Variants in ZSWIM5 observed in about 807,000 individuals in gnomAD.
ZSWIM5 encodes zinc finger SWIM-type containing 5, also known as zinc finger SWIM domain-containing protein 5.
A neutral mutation model predicts 119.6 loss-of-function variants in ZSWIM5; 55 were observed. The observed-to-expected ratio is 0.46, with a 90% CI of 0.37 to 0.58. ZSWIM5 has a LOEUF of 0.58. Among genes scored for constraint, ZSWIM5 ranks in the 20% least tolerant of loss-of-function variants. The pLI, the probability that ZSWIM5 is intolerant of heterozygous loss-of-function variation, is 0.00. For synonymous variants in ZSWIM5, 537 were observed against 606.9 expected, an observed-to-expected ratio of 0.88 and a Z score of 1.69; for missense variants, 1,193 against 1,512.8, an observed-to-expected ratio of 0.79 and a Z score of 3.51.
intron 11 of ZSWIM5, among the ~76,000 whole-genome samples, chr1:45,033,018 T>C (rs578019596): frequency 6.6e-6 from 1 of 152,304 alleles, no homozygotes; most frequent in East Asian, 1.9e-4. Context: ...TGTGGTTCAT[T>C]GATTTCCTTA....
Position 45,170,102 on chromosome 1 carries a change from T to C in ZSWIM5, c.595+35654A>G, listed in dbSNP as rs140782145. Among the ~76,000 whole-genome samples the C allele has an allele frequency of 2.1e-3, 323 of 152,268 alleles. 3 individuals are homozygous for C. Among genetic ancestry groups the C allele is most frequent in the African/African-American group, 7.1e-3 (294 of 41,566 alleles). ...GCCTATTTATATAACATTGTATGGA[T>C]ACACTGCTGTACCTACATTCCGAAA... is the stretch of plus-strand genomic sequence containing the variant. On this transcript the variant is annotated intron_variant, in intron 1 of 13. Transcript: ENST00000359600.
Position 45,018,293 on chromosome 1 carries a change from C to T in ZSWIM5, c.*161G>A, listed in dbSNP as rs954086291. The T allele has an allele frequency of 5.8e-6, 5 of 868,830 alleles. No individual in the cohort carries two copies. The highest frequency in any genetic ancestry group is 2.7e-5 in the East Asian group (1 of 37,544). 53.8% of individuals were successfully genotyped at this position (868,830 alleles called of 1,614,324 possible). A position where few individuals can be genotyped will look rare whatever the true frequency, so the allele number is the denominator to read the frequency against. On this transcript the variant is annotated 3_prime_UTR_variant, in exon 14 of 14. Transcript: ENST00000359600. The surrounding 1 kb of genome is among the most constrained non-coding windows in gnomAD (Gnocchi z 6.7). The stretch of plus-strand genomic sequence containing the variant: ...AGAAGCTTGCCAAGGTAGGCATTAT[C>T]GACTAGAGCTGGACTTTCCCCATCC...
intron 1 of ZSWIM5, among the ~76,000 whole-genome samples, chr1:45,152,129 G>A (rs1240240350): frequency 6.6e-6 from 1 of 152,146 alleles, no homozygotes; most frequent in African/African-American, 2.4e-5. Context: ...TTTATACAAA[G>A]ACCAGTGAGA....
chr1:45,045,318 A>C (rs1645047659), intron 5 of ZSWIM5, among the ~76,000 whole-genome samples: 1 of 152,214 alleles, frequency 6.6e-6, no homozygotes, highest in African/African-American at 2.4e-5. Flanking sequence ...CTGAAGTATT[A>C]TACTGTACGG....
intron 1 of ZSWIM5, among the ~76,000 whole-genome samples, chr1:45,139,474 CTT>C (rs551063549): frequency 1.7e-5 from 2 of 116,526 alleles, no homozygotes; most frequent in Admixed American, 9.5e-5. Flanking sequence ...CTCTCTCTCT[CTT>C]TTTTTTTTTT....
chr1:45,050,162 C>A (rs990098507), intron 5 of ZSWIM5, among the ~76,000 whole-genome samples: 2 of 152,084 alleles, frequency 1.3e-5, no homozygotes, highest in African/African-American at 4.8e-5. Flanking sequence ...CAAGACCAGG[C>A]TGGCCAACAT....
At chr1:45,121,593 T>C (rs1390430279) in intron 1 of ZSWIM5, among the ~76,000 whole-genome samples, 6 of 150,284 alleles carry the variant, frequency 4.0e-5, no homozygotes, top group South Asian at 2.1e-4. Context: ...AATCTTTTTT[T>C]TTCTTCTTCT....
Position 45,129,153 on chromosome 1 carries a change from G to GTTTTT in ZSWIM5, c.596-40921_596-40917dup, listed in dbSNP as rs869042927. Among the ~76,000 whole-genome samples, 98 of 70,162 alleles carry GTTTTT rather than the reference G, an allele frequency of 1.4e-3. 5 individuals carry two copies. Among genetic ancestry groups the GTTTTT allele is most frequent in the Non-Finnish European group, 2.0e-3 (75 of 37,976 alleles). The allele number at this position is 70,162 out of a possible 152,430, so 46.0% of individuals were successfully genotyped here. A position where few individuals can be genotyped will look rare whatever the true frequency, so the allele number is the denominator to read the frequency against. ...TTATACTTTTCCTCACATACATCTT[G>GTTTTT]TTTTTTTTTTTTTTTTTTTTTTTTT... On this transcript the variant is annotated intron_variant, in intron 1 of 13. Transcript: ENST00000359600.
At chr1:45,040,041 T>C (rs1444611323) in intron 7 of ZSWIM5, among the ~76,000 whole-genome samples, 1 of 152,112 alleles carries the variant, frequency 6.6e-6, no homozygotes, top group Non-Finnish European at 1.5e-5. Context: ...TCTCACCATG[T>C]TGCCCAGGCT....
intron 1 of ZSWIM5, among the ~76,000 whole-genome samples, chr1:45,195,729 A>G (rs959282904): frequency 6.6e-6 from 1 of 152,188 alleles, no homozygotes; most frequent in Non-Finnish European, 1.5e-5. Context: ...ACATCCATTA[A>G]TAAAGATAGG....
At chr1:45,140,670 G>A (rs917841137) in intron 1 of ZSWIM5, among the ~76,000 whole-genome samples, 4 of 152,150 alleles carry the variant, frequency 2.6e-5, no homozygotes, top group African/African-American at 9.7e-5. Flanking sequence ...ATCATACACT[G>A]CCTACAACAA....
chr1:45,189,589 T>G (rs983273423), intron 1 of ZSWIM5, among the ~76,000 whole-genome samples: 2 of 151,354 alleles, frequency 1.3e-5, no homozygotes, highest in Non-Finnish European at 3.0e-5. Flanking sequence ...ACCTTATCTC[T>G]ACAAAAAACA....
intron 3 of ZSWIM5, 68 bp from the exon 4 acceptor site, chr1:45,058,827 G>C (rs1645137687): frequency 6.4e-7 from 1 of 1,571,204 alleles, no homozygotes; most frequent in Non-Finnish European, 8.7e-7. Context: ...AGAAGGAAGT[G>C]GGGGAGGGGG....
intron 1 of ZSWIM5, among the ~76,000 whole-genome samples, chr1:45,148,524 G>T (rs1645776953): frequency 6.6e-6 from 1 of 151,744 alleles, no homozygotes. Context: ...ACCAATTTAG[G>T]CTGAAATAAT....
rs573161831 is a variant in ZSWIM5 at position 45,038,881 on chromosome 1, C to G, written c.1894+55G>C. On this transcript the variant is annotated intron_variant, in intron 8 of 13. Coordinates refer to ENST00000359600, the MANE Select transcript of ZSWIM5 (RefSeq NM_020883.2). ...AAAATGCTAGGATTACAGGTGTGAG[C>G]CACCATGCTAACCAACAAGGGCAGT... 4.5e-4 allele frequency: 718 copies of G among 1,603,726 alleles called. 3 individuals carry two copies. In the Middle Eastern group the frequency reaches 5.6e-3, roughly 13 times the overall value.
rs895741575 is a variant in ZSWIM5 at position 45,206,411 on chromosome 1, T to G, written c.-61A>C. 23 of 1,297,026 alleles carry G rather than the reference T, an allele frequency of 1.8e-5. No individual in the cohort carries two copies. The African/African-American group carries it at 3.6e-4, about 20-fold the overall frequency. 80.3% of individuals were successfully genotyped at this position (1,297,026 alleles called of 1,614,324 possible). On this transcript the variant is annotated 5_prime_UTR_variant, in exon 1 of 14. Transcript: ENST00000359600. Reference sequence around the variant, plus strand: ...GCTGCTCGGGCTGCGGCGGAGACCCTGGCCACGGCCACGCGCCCCGCGCAA... The same window carrying G: ...GCTGCTCGGGCTGCGGCGGAGACCCGGGCCACGGCCACGCGCCCCGCGCAA...
At chr1:45,079,856 G>C (rs958765899) in intron 2 of ZSWIM5, among the ~76,000 whole-genome samples, 1 of 152,154 alleles carries the variant, frequency 6.6e-6, no homozygotes, top group African/African-American at 2.4e-5. Context: ...GTCAGGACTA[G>C]TTTCTTCCCT....
rs1319250284 is a variant in ZSWIM5, at chr1:45,043,269, C to T, written c.1559G>A (p.Arg520Gln). The T allele has an allele frequency of 8.1e-6, 13 of 1,613,978 alleles. No individual in the cohort carries two copies. The highest frequency in any genetic ancestry group is 1.3e-5 in the African/African-American group (1 of 74,902). Residue 520 changes from arginine to glutamine, a missense_variant, in exon 6 of 14, where the codon CGG (arginine) becomes CAG (glutamine). Arg to Gln is a conservative substitution (Grantham distance 43, BLOSUM62 1). Coordinates refer to ENST00000359600, the MANE Select transcript of ZSWIM5 (RefSeq NM_020883.2). Reference protein sequence around the residue: ...SDVYTAPACQRESERLLFNSQ... With the variant: ...SDVYTAPACQQESERLLFNSQ... ...ATTAAAGAGTAGTCTTTCACTTTCC[C>T]GCTGGCAGGCAGGAGCTGTATAAAC... is the stretch of plus-strand genomic sequence containing the variant.
intron 2 of ZSWIM5, among the ~76,000 whole-genome samples, chr1:45,077,997 G>A (rs924341435): frequency 6.6e-6 from 1 of 152,116 alleles, no homozygotes; most frequent in East Asian, 1.9e-4. Context: ...CACACATGCT[G>A]TACAATCTGT....
Sources: gnomAD v4.1 joint callset for allele counts (sites outside exome capture counted in the v4.1 genomes callset) on GRCh38, gnomAD v4.1.1 for gene constraint, Gnocchi (gnomAD v3.1) non-coding constraint, MANE v1.5 for transcripts, NCBI Gene and HGNC (gene_info 2026-07-23, HGNC 2026-07-21) for gene names.